The following ADAMTS12 variants were observed in gnomAD, a reference collection of about 807,000 sequenced individuals.
The protein encoded by ADAMTS12 is ADAM metallopeptidase with thrombospondin type 1 motif 12.
In ADAMTS12, 118 loss-of-function variants were observed where a neutral mutation model predicts 167.8. The ratio of observed to expected loss-of-function variants is 0.70; its 90% CI spans 0.61 to 0.82. The LOEUF is 0.82. Among genes scored for constraint, ADAMTS12 ranks in the 40% least tolerant of loss-of-function variants. The probability of loss-of-function intolerance (pLI) is 0.00; values close to 1 mark genes in which losing one functional copy is unlikely to be tolerated. For missense variants in ADAMTS12, 1,916 were observed against 1,998.8 expected, an observed-to-expected ratio of 0.96 and a Z score of 0.79; for synonymous variants, 704 against 716.9, an observed-to-expected ratio of 0.98 and a Z score of 0.29.
chr5:33,812,017 G>A (rs747000967), intron 2 of ADAMTS12, among the ~76,000 whole-genome samples: 39 of 152,218 alleles, frequency 2.6e-4, no homozygotes, highest in Non-Finnish European at 4.4e-4. Context: ...TTGGTGTGGT[G>A]TCTCAAGCCT....
intron 23 of ADAMTS12, among the ~76,000 whole-genome samples, chr5:33,531,406 A>C (rs1259230000): frequency 6.6e-6 from 1 of 152,206 alleles, no homozygotes; most frequent in Non-Finnish European, 1.5e-5. Flanking sequence ...CATTTACCAC[A>C]CACTAGGCAA....
chr5:33,546,321 T>A, intron 21 of ADAMTS12, 119 bp from the exon 22 acceptor site: 1 of 924,692 alleles, frequency 1.1e-6, no homozygotes, highest in Non-Finnish European at 1.5e-6. Context: ...TATTGGTATC[T>A]GTATTAGAAT....
At chr5:33,719,294 C>A (rs963768880) in intron 3 of ADAMTS12, among the ~76,000 whole-genome samples, 4 of 151,968 alleles carry the variant, frequency 2.6e-5, no homozygotes, top group African/African-American at 9.7e-5. Context: ...ATGAAGGGAG[C>A]GCTCTGGAGG....
At chr5:33,563,998 C>T (rs1345195613) in intron 19 of ADAMTS12, among the ~76,000 whole-genome samples, 1 of 152,226 alleles carries the variant, frequency 6.6e-6, no homozygotes, top group African/African-American at 2.4e-5. Flanking sequence ...TCAAGGTTTA[C>T]ACCTACTTAC....
intron 16 of ADAMTS12, among the ~76,000 whole-genome samples, chr5:33,610,981 G>A (rs753045506): frequency 7.2e-5 from 11 of 152,088 alleles, no homozygotes; most frequent in South Asian, 4.1e-4. Flanking sequence ...GCAAGAGATC[G>A]CTCGAACCCA....
chr5:33,627,543 T>A (rs1166278591), intron 13 of ADAMTS12, among the ~76,000 whole-genome samples: 2 of 151,948 alleles, frequency 1.3e-5, no homozygotes, highest in Non-Finnish European at 2.9e-5. Context: ...AGTAATTAAC[T>A]GTGAGAGGAG....
rs1170759604 is a variant in ADAMTS12, at chr5:33,637,753, A to G, written c.1719-7T>C. ...TTTCCCTCCAAACTTTGGCCTGCAA[A>G]TGAAACAGACAAGCTTTTCTTTTAG... On this transcript the variant is annotated splice_region_variant and splice_polypyrimidine_tract_variant and intron_variant, in intron 11 of 23. Coordinates refer to ENST00000504830, the MANE Select transcript of ADAMTS12 (RefSeq NM_030955.4). 3 of 1,611,860 alleles carry G rather than the reference A, an allele frequency of 1.9e-6. No homozygotes were observed. Among genetic ancestry groups the G allele is most frequent in the Admixed American group, 3.3e-5 (2 of 59,814 alleles).
chr5:33,559,017 G>A (rs73078372), intron 20 of ADAMTS12, among the ~76,000 whole-genome samples: 3 of 152,084 alleles, frequency 2.0e-5, no homozygotes, highest in African/African-American at 7.3e-5. Context: ...GAAAGGGTCC[G>A]AAAGACCGAC....
chr5:33,852,076 GT>G (rs1749239125), intron 2 of ADAMTS12, among the ~76,000 whole-genome samples: 1 of 152,106 alleles, frequency 6.6e-6, no homozygotes. Context: ...TTAACCTCCT[GT>G]GTTTCTTCTG....
At chr5:33,745,859 G>T (rs563529347) in intron 3 of ADAMTS12, among the ~76,000 whole-genome samples, 1 of 152,122 alleles carries the variant, frequency 6.6e-6, no homozygotes, top group South Asian at 2.1e-4. Flanking sequence ...AACTAATAGG[G>T]TTATTATTTT....
In ADAMTS12 at chr5:33,523,757, T is replaced by C. The variant is rs1031599837; in HGVS notation, c.*3431A>G. On this transcript the variant is annotated 3_prime_UTR_variant, in exon 24 of 24. Coordinates refer to ENST00000504830, the MANE Select transcript of ADAMTS12 (RefSeq NM_030955.4). ...GGATTGTGCTTTACCCACCATGTTT[T>C]TTAGTAACATAACTTAGAATACTAC... The C allele has an allele frequency of 1.3e-5, 2 of 152,192 alleles. No individual in the cohort carries two copies. Among genetic ancestry groups the C allele is most frequent in the Non-Finnish European group, 2.9e-5 (2 of 68,028 alleles). 9.4% of individuals were successfully genotyped at this position (152,192 alleles called of 1,614,324 possible).
chr5:33,756,705 GGGCAGCCCTAGTAACTCATGT>G (rs1377982337), intron 2 of ADAMTS12, among the ~76,000 whole-genome samples: 1 of 152,122 alleles, frequency 6.6e-6, no homozygotes, highest in Non-Finnish European at 1.5e-5. Flanking sequence ...ATATGAGTCT[GGGCAGCCCTAGTAACTCATGT>G]GGTTTCAGGA....
intron 3 of ADAMTS12, among the ~76,000 whole-genome samples, chr5:33,726,841 T>C (rs1333943174): frequency 6.6e-6 from 1 of 151,818 alleles, no homozygotes; most frequent in Non-Finnish European, 1.5e-5. Flanking sequence ...TACATGTGTG[T>C]GGTGCCCCGC....
At chr5:33,666,340 C>T (rs1741464869) in intron 5 of ADAMTS12, among the ~76,000 whole-genome samples, 1 of 152,218 alleles carries the variant, frequency 6.6e-6, no homozygotes, top group South Asian at 2.1e-4. Context: ...CCTTCATTTA[C>T]TCCAAAACTC....
At chr5:33,569,761 G>A (rs1374409026) in intron 19 of ADAMTS12, among the ~76,000 whole-genome samples, 1 of 152,250 alleles carries the variant, frequency 6.6e-6, no homozygotes, top group African/African-American at 2.4e-5. Flanking sequence ...ATTTTGATGA[G>A]TTGAGAGAAG....
chr5:33,630,654 G>C, intron 13 of ADAMTS12, 126 bp downstream of exon 13: 2 of 1,036,974 alleles, frequency 1.9e-6, no homozygotes, highest in Non-Finnish European at 2.8e-6. Flanking sequence ...TTCGTTTCAT[G>C]AACTATATAT....
intron 5 of ADAMTS12, among the ~76,000 whole-genome samples, chr5:33,666,283 T>C (rs1399152338): frequency 6.6e-6 from 1 of 152,194 alleles, no homozygotes; most frequent in Non-Finnish European, 1.5e-5. Context: ...GTGGTCTATA[T>C]TGTATTTTCA....
rs188716968 is a variant in ADAMTS12, at chr5:33,695,086, C to A, written c.635-11031G>T. On this transcript the variant is annotated intron_variant, in intron 3 of 23. Coordinates refer to ENST00000504830, the MANE Select transcript of ADAMTS12 (RefSeq NM_030955.4). ...AGAAAGGAGTCAAGCACCATACTTG[C>A]CACATAGTAAAGTCACAGTATGTAT... Among the ~76,000 whole-genome samples, 273 of 152,304 alleles carry A rather than the reference C, an allele frequency of 1.8e-3. 1 individual carries two copies. The highest frequency in any genetic ancestry group is 6.4e-3 in the Admixed American group (98 of 15,300).
chr5:33,821,107 T>C lies in ADAMTS12; in HGVS notation c.489+60012A>G, dbSNP rs1747851226. Among the ~76,000 whole-genome samples, 7 of 152,192 alleles carry C rather than the reference T, an allele frequency of 4.6e-5. No individual in the cohort carries two copies. In the South Asian group the frequency reaches 1.4e-3, roughly 31 times the overall value. On this transcript the variant is annotated intron_variant, in intron 2 of 23. Transcript: ENST00000504830. ...TACCTGTGTAACAAACCTGCACTTG[T>C]ACCACAGAACCTAAAAGTTAAAATA... is the stretch of plus-strand genomic sequence containing the variant.
Sources: gnomAD v4.1 joint callset for allele counts (sites outside exome capture counted in the v4.1 genomes callset) on GRCh38, gnomAD v4.1.1 for gene constraint, MANE v1.5 for transcripts, NCBI Gene and HGNC (gene_info 2026-07-23, HGNC 2026-07-21) for gene names.